Variants in AGBL4 observed in about 807,000 individuals in gnomAD.
AGBL4 encodes AGBL carboxypeptidase 4, also known as cytosolic carboxypeptidase 6.
In AGBL4, 58 loss-of-function variants were observed where a neutral mutation model predicts 66.4. That is an observed-to-expected ratio of 0.87 (90% CI 0.71 to 1.09). AGBL4 has a LOEUF of 1.09. AGBL4 is among the 50% of genes least tolerant of loss of function. The probability of loss-of-function intolerance (pLI) is 0.00; values close to 1 mark genes in which losing one functional copy is unlikely to be tolerated. For synonymous variants in AGBL4, 234 were observed against 222.9 expected (o/e 1.05, Z -0.44); for missense variants, 579 against 631.0 (o/e 0.92, Z 0.88).
chr1:49,742,699 CAG>C (rs1254699350), intron 2 of AGBL4, among the ~76,000 whole-genome samples: 1 of 152,162 alleles, frequency 6.6e-6, no homozygotes, highest in Non-Finnish European at 1.5e-5. Context: ...GGTACCAAAA[CAG>C]AGATACAGAC....
intron 5 of AGBL4, among the ~76,000 whole-genome samples, chr1:48,969,235 G>A (rs546345610): frequency 7.9e-5 from 12 of 152,050 alleles, no homozygotes; most frequent in Middle Eastern, 3.4e-3. Flanking sequence ...AATACACGGC[G>A]GACACTCCTT....
At chr1:48,814,097 C>T (rs1265930777) in intron 6 of AGBL4, among the ~76,000 whole-genome samples, 1 of 152,140 alleles carries the variant, frequency 6.6e-6, no homozygotes, top group Non-Finnish European at 1.5e-5. Flanking sequence ...GTTATTTCAG[C>T]AACACCTTCA....
chr1:49,603,551 T>TAAAC, intron 3 of AGBL4, among the ~76,000 whole-genome samples: 1 of 149,466 alleles, frequency 6.7e-6, no homozygotes, highest in African/African-American at 2.5e-5. Context: ...AATAAATAAA[T>TAAAC]AAATAAATAA....
At chr1:48,625,095 TC>T (rs1645480096) in intron 9 of AGBL4, among the ~76,000 whole-genome samples, 4 of 9,580 alleles carry the variant, frequency 4.2e-4, no homozygotes, top group Non-Finnish European at 2.6e-3. Flanking sequence ...TCTTTCTCCT[TC>T]CTTCCTTCCT....
chr1:49,670,841 T>C (rs1026682926), intron 3 of AGBL4, among the ~76,000 whole-genome samples: 2 of 152,202 alleles, frequency 1.3e-5, no homozygotes, highest in African/African-American at 4.8e-5. Flanking sequence ...AGGTGAAACT[T>C]ATAGCTTCAA....
intron 6 of AGBL4, among the ~76,000 whole-genome samples, chr1:48,712,965 A>G (rs1399519286): frequency 1.3e-5 from 2 of 152,158 alleles, no homozygotes; most frequent in Non-Finnish European, 2.9e-5. Context: ...GTACCTGTCT[A>G]AGAACTGCTT....
intron 4 of AGBL4, among the ~76,000 whole-genome samples, chr1:49,167,074 G>A (rs1015181167): frequency 2.6e-5 from 4 of 152,060 alleles, no homozygotes; most frequent in African/African-American, 7.2e-5. Context: ...ACACATAATT[G>A]TTAGTTTTCC....
Position 48,736,553 on chromosome 1 carries a change from T to G in AGBL4, c.635-73312A>C. On this transcript the variant is annotated intron_variant, in intron 6 of 13. Coordinates refer to ENST00000371839, the MANE Select transcript of AGBL4 (RefSeq NM_032785.4). This position sits in a 1 kb window ranked among gnomAD's most constrained non-coding sequence, Gnocchi z 4.0. ...AGCATTGCTGCACAACTGTAAGAGA[T>G]TCATGTCATAAATATGAAATTAACT... 9.9e-7 allele frequency: 1 copy of G among 1,012,956 alleles called. No individual in the cohort carries two copies. The highest frequency in any genetic ancestry group is 1.5e-6 in the Non-Finnish European group (1 of 666,906). 62.7% of individuals were successfully genotyped at this position (1,012,956 alleles called of 1,614,324 possible). A position where few individuals can be genotyped will look rare whatever the true frequency, so the allele number is the denominator to read the frequency against.
chr1:49,196,020 C>A (rs1294904813), intron 4 of AGBL4, among the ~76,000 whole-genome samples: 1 of 152,140 alleles, frequency 6.6e-6, no homozygotes, highest in Non-Finnish European at 1.5e-5. Flanking sequence ...TGAAGAAGGT[C>A]CTTGCTTCCT....
At position 48,867,262 on chromosome 1, in the gene AGBL4, AT is replaced by A. The variant is rs1203053832; in HGVS notation, c.595-33del. The A allele has an allele frequency of 6.8e-6, 11 of 1,611,978 alleles. No homozygotes were observed. In the South Asian group the frequency reaches 1.1e-4, roughly 16 times the overall value. On this transcript the variant is annotated intron_variant, in intron 5 of 13. Transcript: ENST00000371839. ...AAGAAAACACACTGTGAGGGCACTGATTTGAGCCAGAGCCAAAATTGTGCTT... is the reference window on the plus strand; with the variant it reads ...AAGAAAACACACTGTGAGGGCACTGATTGAGCCAGAGCCAAAATTGTGCTT...
intron 3 of AGBL4, among the ~76,000 whole-genome samples, chr1:49,515,877 G>A (rs1169222495): frequency 2.2e-5 from 3 of 134,094 alleles, no homozygotes; most frequent in East Asian, 4.5e-4. Flanking sequence ...ATTACACACC[G>A]GGGCCTGTTG....
At chr1:49,237,442 G>A (rs970430180) in intron 4 of AGBL4, among the ~76,000 whole-genome samples, 4 of 149,434 alleles carry the variant, frequency 2.7e-5, no homozygotes, top group South Asian at 2.1e-4. Flanking sequence ...CCCAGTCTTA[G>A]GTATGTCTTT....
intron 3 of AGBL4, among the ~76,000 whole-genome samples, chr1:49,263,151 G>C (rs1457438768): frequency 6.6e-6 from 1 of 150,788 alleles, no homozygotes; most frequent in African/African-American, 2.4e-5. Flanking sequence ...TCTGGGGACT[G>C]TTGTGGGGTG....
chr1:49,496,712 T>C (rs1647615586), intron 3 of AGBL4, among the ~76,000 whole-genome samples: 1 of 152,066 alleles, frequency 6.6e-6, no homozygotes, highest in African/African-American at 2.4e-5. Context: ...TTTCCTTTTT[T>C]AAGGCTGAAT....
At chr1:49,104,372 C>A (rs907565515) in intron 4 of AGBL4, among the ~76,000 whole-genome samples, 6 of 152,084 alleles carry the variant, frequency 3.9e-5, no homozygotes, top group Admixed American at 3.9e-4. Flanking sequence ...AAGGAATGAA[C>A]ATTATCATAC....
At chr1:49,817,916 A>C (rs1190822732) in intron 2 of AGBL4, among the ~76,000 whole-genome samples, 3 of 152,184 alleles carry the variant, frequency 2.0e-5, no homozygotes, top group African/African-American at 7.2e-5. Context: ...CATCCGAGTA[A>C]TGTCATATAT....
At chr1:48,778,131 A>G (rs1645183021) in intron 6 of AGBL4, among the ~76,000 whole-genome samples, 2 of 144,108 alleles carry the variant, frequency 1.4e-5, no homozygotes, top group South Asian at 4.5e-4. Context: ...ATAAATAAAA[A>G]CCCACATCCA....
intron 2 of AGBL4, among the ~76,000 whole-genome samples, chr1:49,775,872 T>A (rs1644183046): frequency 6.6e-6 from 1 of 152,120 alleles, no homozygotes; most frequent in Admixed American, 6.6e-5. Context: ...ATTATAGTGG[T>A]AAAATTGTGA....
At chr1:49,750,917 C>G (rs1169484431) in intron 2 of AGBL4, among the ~76,000 whole-genome samples, 1 of 151,816 alleles carries the variant, frequency 6.6e-6, no homozygotes, top group Non-Finnish European at 1.5e-5. Context: ...ACAAATGATG[C>G]GATTTTTGCA....
Sources: allele counts gnomAD v4.1 joint callset (sites outside exome capture counted in the v4.1 genomes callset), GRCh38; gene constraint gnomAD v4.1.1; non-coding constraint Gnocchi (gnomAD v3.1); transcripts MANE v1.5; gene names NCBI Gene and HGNC (gene_info 2026-07-23, HGNC 2026-07-21).